RHOBTB1: variants seen among roughly 807,000 people sequenced by gnomAD.
The protein encoded by RHOBTB1 is rho-related BTB domain-containing protein 1.
In RHOBTB1, 40 loss-of-function variants were observed where a neutral mutation model predicts 71.6. The observed-to-expected ratio is 0.56, with a 90% CI of 0.43 to 0.73. The LOEUF (loss-of-function observed/expected upper bound fraction) is 0.73, where lower values mean the gene tolerates loss of function less well. Among genes scored for constraint, RHOBTB1 ranks in the 30% least tolerant of loss-of-function variants. The pLI is 0.00. For synonymous variants in RHOBTB1, 319 were observed against 334.9 expected, an observed-to-expected ratio of 0.95 and a Z score of 0.52; for missense variants, 797 against 894.0, an observed-to-expected ratio of 0.89 and a Z score of 1.38.
chr10:60,948,396 G>T (rs968146632), upstream of RHOBTB1, among the ~76,000 whole-genome samples: 16 of 152,206 alleles, frequency 1.1e-4, no homozygotes, highest in Admixed American at 1.0e-3. Flanking sequence ...TTATAAGACT[G>T]CATTTCAGTG....
intron 2 of RHOBTB1, among the ~76,000 whole-genome samples, chr10:60,916,731 G>A (rs371101089): frequency 2.0e-5 from 3 of 152,164 alleles, no homozygotes; most frequent in Non-Finnish European, 2.9e-5. Context: ...CACGGAATCC[G>A]CGGAACTTGT....
At chr10:60,960,306 C>T (rs1332702291) in intron 2 of RHOBTB1, among the ~76,000 whole-genome samples, 1 of 152,122 alleles carries the variant, frequency 6.6e-6, no homozygotes, top group Non-Finnish European at 1.5e-5. Context: ...AATGTGACAA[C>T]CAGAACCCCC....
chr10:60,925,306 A>G (rs2083804571), intron 2 of RHOBTB1, among the ~76,000 whole-genome samples: 1 of 152,238 alleles, frequency 6.6e-6, no homozygotes, highest in South Asian at 2.1e-4. Context: ...GCAATGCAAG[A>G]AAAGACTAAT....
rs1482360054 is a variant in RHOBTB1 at position 60,869,609 on chromosome 10, C to T, written c.*1873G>A. 1 of 152,608 alleles carries T rather than the reference C, an allele frequency of 6.6e-6. No homozygotes were observed. Among genetic ancestry groups the T allele is most frequent in the Non-Finnish European group, 1.5e-5 (1 of 68,038 alleles). 9.5% of individuals were successfully genotyped at this position (152,608 alleles called of 1,614,324 possible). ...TTATACCCCAAGTTCATTTATACATCCATTATATTTTGGCAAGATTACAAT... is the reference window on the plus strand; with the variant it reads ...TTATACCCCAAGTTCATTTATACATTCATTATATTTTGGCAAGATTACAAT... On this transcript the variant is annotated 3_prime_UTR_variant, in exon 11 of 11. Coordinates refer to ENST00000337910, the MANE Select transcript of RHOBTB1 (RefSeq NM_014836.5).
chr10:60,888,752 C>T lies in RHOBTB1; in HGVS notation c.916G>A (p.Gly306Arg). The part of the protein sequence containing the change: ...FLMECEESPN[G>R]SEGACEKEKQ... ...TCTTTCTCACAGGCTCCTTCACTCC[C>T]ATTTGGGGATTCTTCACATTCCATT... The change falls in exon 6 of 11, where the codon GGG becomes AGG. Residue 306 changes from glycine to arginine, a missense_variant. Gly to Arg is a moderately radical substitution (Grantham distance 125). Coordinates refer to ENST00000337910, the MANE Select transcript of RHOBTB1 (RefSeq NM_014836.5). 2 of 1,614,182 alleles carry T rather than the reference C, an allele frequency of 1.2e-6. No homozygotes were observed.
intron 3 of RHOBTB1, among the ~76,000 whole-genome samples, 156 bp downstream of exon 3, chr10:60,911,195 C>T (rs776489726): frequency 4.6e-5 from 7 of 152,288 alleles, no homozygotes; most frequent in South Asian, 4.1e-4. Flanking sequence ...CCACAGTCTC[C>T]GGTTTGCATT....
At chr10:60,872,965 CTG>C (rs373550319) in intron 9 of RHOBTB1, among the ~76,000 whole-genome samples, 60 of 152,332 alleles carry the variant, frequency 3.9e-4, no homozygotes, top group Non-Finnish European at 6.9e-4. Context: ...CACTTTCTGT[CTG>C]TGCCCTTCTC....
In RHOBTB1 at chr10:60,976,466, A is replaced by G. The variant is rs569732760; in HGVS notation, c.-62+9379T>C. On this transcript the variant is annotated intron_variant, in intron 2 of 11. Coordinates refer to the RHOBTB1 transcript ENST00000357917. The stretch of plus-strand genomic sequence containing the variant: ...GTCAAGTGTATCTAACTCCGAGTTA[A>G]GAAACTGTATACTGAAGTACAGCCC... Among the ~76,000 whole-genome samples the G allele has an allele frequency of 4.2e-3, 646 of 152,114 alleles. 2 individuals are homozygous for G. Among genetic ancestry groups the G allele is most frequent in the Non-Finnish European group, 7.1e-3 (484 of 67,936 alleles).
intron 2 of RHOBTB1, among the ~76,000 whole-genome samples, chr10:60,915,696 C>G (rs1440972147): frequency 1.3e-5 from 2 of 152,190 alleles, no homozygotes; most frequent in African/African-American, 4.8e-5. Flanking sequence ...CAAGGCTGAC[C>G]TAGAAAAGCG....
chr10:60,955,188 G>A (rs538821139), intron 2 of RHOBTB1, among the ~76,000 whole-genome samples: 2 of 151,900 alleles, frequency 1.3e-5, no homozygotes, highest in African/African-American at 4.8e-5. Context: ...GGGATTACAG[G>A]CGTGCACCAC....
intron 1 of RHOBTB1, among the ~76,000 whole-genome samples, chr10:60,996,234 C>T (rs1359096391): frequency 1.3e-5 from 2 of 152,162 alleles, no homozygotes; most frequent in Non-Finnish European, 2.9e-5. Flanking sequence ...TATTTTCCAA[C>T]ATGGGCAGTC....
At position 60,915,387 on chromosome 10, in the gene RHOBTB1, G is replaced by A. The variant is rs138038262; in HGVS notation, c.-10-3835C>T. Among the ~76,000 whole-genome samples, 5 of 151,884 alleles carry A rather than the reference G, an allele frequency of 3.3e-5. No individual in the cohort carries two copies. In the East Asian group the frequency reaches 7.7e-4, roughly 24 times the overall value. On this transcript the variant is annotated intron_variant, in intron 2 of 10. Transcript: ENST00000337910. ...GTCATCACTATAAATCCTGCTGATC[G>A]ATGTGGAGACCCTCTCATACTTAGA...
chr10:60,977,169 T>C (rs1263785158), intron 2 of RHOBTB1, among the ~76,000 whole-genome samples: 1 of 151,950 alleles, frequency 6.6e-6, no homozygotes, highest in Non-Finnish European at 1.5e-5. Context: ...AGCATTAGAG[T>C]AGTAGATTGA....
exon 1 of RHOBTB1, chr10:61,001,424 C>G (rs1369064051): frequency 6.6e-6 from 1 of 151,738 alleles, no homozygotes; most frequent in Non-Finnish European, 1.5e-5. Flanking sequence ...GCTCCCGCGG[C>G]GGCTCTGGGT....
At chr10:60,903,054 G>T (rs181124508) in intron 4 of RHOBTB1, among the ~76,000 whole-genome samples, 1 of 152,304 alleles carries the variant, frequency 6.6e-6, no homozygotes, top group Admixed American at 6.5e-5. Flanking sequence ...TTGCAAAGCT[G>T]TCCTATGGGA....
At chr10:60,990,014 G>T (rs960741301) in intron 1 of RHOBTB1, among the ~76,000 whole-genome samples, 14 of 127,724 alleles carry the variant, frequency 1.1e-4, no homozygotes, top group African/African-American at 4.3e-4. Context: ...ATGGAGTCTC[G>T]TTCTGTCGCC....
At chr10:60,892,571 G>T (rs2081974698) in intron 5 of RHOBTB1, among the ~76,000 whole-genome samples, 1 of 152,116 alleles carries the variant, frequency 6.6e-6, no homozygotes, top group African/African-American at 2.4e-5. Context: ...CATAATTAGA[G>T]AATTTACTTC....
chr10:60,887,637 G>A (rs1384592221), intron 6 of RHOBTB1, among the ~76,000 whole-genome samples: 3 of 152,242 alleles, frequency 2.0e-5, no homozygotes, highest in African/African-American at 7.2e-5. Flanking sequence ...CATGAGGACG[G>A]AAAAGGAGAG....
intron 4 of RHOBTB1, among the ~76,000 whole-genome samples, chr10:60,895,276 C>G (rs2082106914): frequency 6.6e-6 from 1 of 152,112 alleles, no homozygotes; most frequent in Non-Finnish European, 1.5e-5. Context: ...GATAAAATAA[C>G]TTATTGAGTC....
Sources: allele counts gnomAD v4.1 joint callset (sites outside exome capture counted in the v4.1 genomes callset), GRCh38; gene constraint gnomAD v4.1.1; transcripts MANE v1.5; gene names NCBI Gene and HGNC (gene_info 2026-07-23, HGNC 2026-07-21).